RNF121: variants seen among roughly 807,000 people sequenced by gnomAD.
RNF121 encodes the protein E3 ubiquitin ligase RNF121.
Under a neutral mutation model 46.5 loss-of-function variants are expected in RNF121, and 21 were observed. The observed-to-expected ratio is 0.45, with a 90% confidence interval of 0.32 to 0.65. The LOEUF is 0.65. RNF121 is among the 30% of genes least tolerant of loss of function. The probability of loss-of-function intolerance (pLI) is 0.04; values close to 1 mark genes in which losing one functional copy is unlikely to be tolerated. For missense variants in RNF121, 346 were observed against 416.0 expected (o/e 0.83, Z 1.46); for synonymous variants, 139 against 144.7 (o/e 0.96, Z 0.28).
intron 1 of RNF121, among the ~76,000 whole-genome samples, chr11:71,947,197 T>A (rs1953748057): frequency 6.6e-6 from 1 of 152,100 alleles, no homozygotes; most frequent in Non-Finnish European, 1.5e-5. Flanking sequence ...CTAACAATAA[T>A]TGAATTTCTT....
chr11:71,995,350 G>A, intron 7 of RNF121, 100 bp from the exon 8 acceptor site: 1 of 889,060 alleles, frequency 1.1e-6, no homozygotes. Flanking sequence ...ACATTACAGA[G>A]CTGATAAAGA....
At chr11:71,990,819 A>C in intron 6 of RNF121, 102 bp downstream of exon 6, 1 of 1,411,858 alleles carries the variant, frequency 7.1e-7, no homozygotes, top group Non-Finnish European at 9.7e-7. Context: ...GGGTGAGATA[A>C]GCCACATAAA....
rs772044450 is a variant in RNF121, at chr11:71,994,882, C to A, written c.761+30C>A. On this transcript the variant is annotated intron_variant, in intron 7 of 8. Transcript: ENST00000361756. Reference sequence around the variant, plus strand: ...CCTGCCTCGAGCTCCTGGGCCACATCTCTCCTGCAATCTGCACACTGTAGT... The same window carrying A: ...CCTGCCTCGAGCTCCTGGGCCACATATCTCCTGCAATCTGCACACTGTAGT... The A allele has an allele frequency of 2.5e-6, 4 of 1,613,856 alleles. No individual in the cohort carries two copies. In the South Asian group the frequency reaches 4.4e-5, roughly 18 times the overall value.
intron 3 of RNF121, among the ~76,000 whole-genome samples, chr11:71,969,045 C>T (rs771120857): frequency 6.6e-6 from 1 of 151,820 alleles, no homozygotes; most frequent in Non-Finnish European, 1.5e-5. Context: ...GCCACCATGC[C>T]CGGCTAATTT....
At chr11:71,947,119 C>G (rs1481148982) in intron 1 of RNF121, among the ~76,000 whole-genome samples, 1 of 152,046 alleles carries the variant, frequency 6.6e-6, no homozygotes, top group Admixed American at 6.6e-5. Context: ...CCTGCCTGGC[C>G]TCCCAAAGTG....
Position 71,996,420 on chromosome 11 carries a change from G to T in RNF121, c.*105G>T, listed in dbSNP as rs185304890. ...CTGGGTGGGAAAGACTCAAAGGGGT[G>T]CTTGGGCCACTCAGGACCCCTCTGG... On this transcript the variant is annotated 3_prime_UTR_variant, in exon 9 of 9. Transcript: ENST00000361756. The T allele has an allele frequency of 0.03, 41,506 of 1,377,488 alleles. 714 individuals are homozygous for T. The highest frequency in any genetic ancestry group is 0.064 in the East Asian group (2,616 of 40,698). 85.3% of individuals were successfully genotyped at this position (1,377,488 alleles called of 1,614,324 possible).
intron 1 of RNF121, among the ~76,000 whole-genome samples, chr11:71,955,397 A>C (rs1265951966): frequency 6.6e-6 from 1 of 152,288 alleles, no homozygotes; most frequent in East Asian, 1.9e-4. Flanking sequence ...GAGATGTTAC[A>C]TTTCTATCAA....
intron 1 of RNF121, among the ~76,000 whole-genome samples, chr11:71,948,513 CAAAAAAAAAAAAAAA>C (rs55762433): frequency 4.2e-4 from 15 of 35,380 alleles, no homozygotes; most frequent in South Asian, 3.8e-3. Flanking sequence ...AAACTGTCTC[CAAAAAAAAAAAAAAA>C]AAAAAAAAAA....
At chr11:71,973,512 C>T (rs547728389) in intron 3 of RNF121, among the ~76,000 whole-genome samples, 7 of 151,214 alleles carry the variant, frequency 4.6e-5, no homozygotes, top group African/African-American at 9.7e-5. Context: ...ACAGGCCGGG[C>T]GCGGTGGCTC....
chr11:71,978,473 G>A (rs79662301), intron 3 of RNF121, among the ~76,000 whole-genome samples: 3,353 of 152,258 alleles, frequency 0.022, 123 homozygotes, highest in African/African-American at 0.074. Flanking sequence ...ATAAGAAATT[G>A]CTTATAACCT....
At chr11:71,986,790 G>GA (rs1198890761) in intron 4 of RNF121, among the ~76,000 whole-genome samples, 1 of 130,676 alleles carries the variant, frequency 7.7e-6, no homozygotes, top group Non-Finnish European at 1.7e-5. Context: ...AAAAAAAAAA[G>GA]AAAAAAAATA....
In RNF121 at chr11:71,933,230, G is replaced by C. The variant is rs1030903936; in HGVS notation, c.63+4106G>C. 3.3e-5 allele frequency among the ~76,000 whole-genome samples: 5 copies of C among 152,316 alleles called. No homozygotes were observed. The East Asian group carries it at 9.6e-4, about 29-fold the overall frequency. ...AGCACTTCAATACCCAATAGGGCCA[G>C]CCAGGGCATTGCCTGGCTAGTGCCT... On this transcript the variant is annotated intron_variant, in intron 1 of 8. Transcript: ENST00000361756.
intron 3 of RNF121, among the ~76,000 whole-genome samples, chr11:71,979,487 G>A (rs1287347450): frequency 5.9e-5 from 9 of 151,664 alleles, no homozygotes; most frequent in East Asian, 1.9e-4. Context: ...ATAGCTTTAC[G>A]TACTTGATGT....
intron 1 of RNF121, among the ~76,000 whole-genome samples, chr11:71,940,961 G>A (rs1048258227): frequency 3.9e-5 from 6 of 152,376 alleles, no homozygotes; most frequent in South Asian, 2.1e-4. Flanking sequence ...GCTTGGAGAC[G>A]TTAAACAGCG....
At chr11:71,977,496 G>C (rs1954552021) in intron 3 of RNF121, among the ~76,000 whole-genome samples, 1 of 152,196 alleles carries the variant, frequency 6.6e-6, no homozygotes, top group South Asian at 2.1e-4. Flanking sequence ...AGCTCTTACT[G>C]TTAGCATCTA....
intron 3 of RNF121, among the ~76,000 whole-genome samples, chr11:71,963,952 C>G (rs1954206588): frequency 6.6e-6 from 1 of 152,274 alleles, no homozygotes; most frequent in South Asian, 2.1e-4. Context: ...AAGTATGTTC[C>G]TCAACTTTGT....
intron 1 of RNF121, among the ~76,000 whole-genome samples, chr11:71,937,056 T>C (rs914039981): frequency 6.6e-6 from 1 of 152,268 alleles, no homozygotes; most frequent in African/African-American, 2.4e-5. Context: ...TTTATAAACT[T>C]CCTATGAAAT....
chr11:71,934,611 G>C (rs1953357527), intron 1 of RNF121, among the ~76,000 whole-genome samples: 1 of 152,178 alleles, frequency 6.6e-6, no homozygotes, highest in African/African-American at 2.4e-5. Flanking sequence ...TTTGGTCCAA[G>C]CCAATATCTT....
intron 3 of RNF121, among the ~76,000 whole-genome samples, chr11:71,966,636 C>T (rs1232623452): frequency 2.0e-5 from 3 of 151,700 alleles, no homozygotes; most frequent in Non-Finnish European, 4.4e-5. Flanking sequence ...TACACACCAC[C>T]ACGCTTGGCT....
Sources: allele counts gnomAD v4.1 joint callset (sites outside exome capture counted in the v4.1 genomes callset), GRCh38; gene constraint gnomAD v4.1.1; transcripts MANE v1.5; gene names NCBI Gene and HGNC (gene_info 2026-07-23, HGNC 2026-07-21).